BCR: variants seen among roughly 807,000 people sequenced by gnomAD.
BCR encodes the protein BCR activator of RhoGEF and GTPase.
In BCR, 58 loss-of-function variants were observed where a neutral mutation model predicts 138.6. The ratio of observed to expected loss-of-function variants is 0.42; its 90% CI spans 0.34 to 0.52. The LOEUF is 0.52. BCR is among the 20% of genes least tolerant of loss of function. BCR has a pLI of 0.06. For synonymous variants in BCR, 786 were observed against 730.1 expected (o/e 1.08, Z -1.23); for missense variants, 1,599 against 1,727.2 (o/e 0.93, Z 1.32).
chr22:23,212,764 C>A (rs923874674), intron 1 of BCR, among the ~76,000 whole-genome samples: 1 of 152,272 alleles, frequency 6.6e-6, no homozygotes, highest in Admixed American at 6.5e-5. Context: ...ATTTATGACT[C>A]TGTCCGTTGG....
At chr22:23,313,912 C>G in intron 20 of BCR, 56 bp from the exon 21 acceptor site, 2 of 1,423,628 alleles carry the variant, frequency 1.4e-6, no homozygotes, top group Non-Finnish European at 2.0e-6. Flanking sequence ...GTGAACACCT[C>G]GGGAGAGGTC....
At chr22:23,248,216 C>T (rs986895182) in intron 1 of BCR, among the ~76,000 whole-genome samples, 7 of 152,016 alleles carry the variant, frequency 4.6e-5, no homozygotes, top group East Asian at 1.9e-4. Context: ...TGGTGGCGCA[C>T]GCTTGTAATC....
chr22:23,181,222 T>C lies in BCR; in HGVS notation c.262T>C (p.Ser88Pro), dbSNP rs2146188064. Residue 88 changes from serine to proline, a missense_variant, in exon 1 of 23, where the codon TCC becomes CCC. Transcript: ENST00000305877. ...CGCGGCGCAGGCCCCCGACGGCGCC[T>C]CCGAGCCCCGAGCGTCCGCGTCGCG... ...RRAAQAPDGA[S>P]EPRASASRPQ... is the part of the protein sequence containing the mutation. 1 of 1,244,064 alleles carries C rather than the reference T, an allele frequency of 8.0e-7. No homozygotes were observed. Among genetic ancestry groups the C allele is most frequent in the East Asian group, 3.5e-5 (1 of 28,914 alleles). 77.1% of individuals were successfully genotyped at this position (1,244,064 alleles called of 1,614,324 possible).
At chr22:23,200,205 A>G (rs1395208872) in intron 1 of BCR, among the ~76,000 whole-genome samples, 1 of 152,186 alleles carries the variant, frequency 6.6e-6, no homozygotes, top group Non-Finnish European at 1.5e-5. Flanking sequence ...TGTAGATGTC[A>G]CCGTGTGGGC....
chr22:23,269,757 C>A (rs925223318), intron 5 of BCR, among the ~76,000 whole-genome samples: 13 of 152,250 alleles, frequency 8.5e-5, no homozygotes, highest in Admixed American at 1.3e-4. Flanking sequence ...TCCTCCCCCA[C>A]AGCTGGAATG....
rs748255251 is a variant in BCR at position 23,314,674 on chromosome 22, T to C, written c.3686T>C (p.Ile1229Thr). ...SKLPANPSQPITMTDSWSLEV... is the reference protein window; with the variant it reads ...SKLPANPSQPTTMTDSWSLEV... ...CTCCCTGCCAACCCCAGCCAGCCTA[T>C]CACCATGACTGACAGCTGGTCCTTG... Residue 1229 changes from isoleucine to threonine, a missense_variant, in exon 22 of 23, where the codon ATC (isoleucine) becomes ACC (threonine). Around this residue, in one of 4 missense-constraint regions of BCR, gnomAD observed 177 missense variants for 226.4 expected, o/e 0.78. Transcript: ENST00000305877. The C allele has an allele frequency of 6.2e-7, 1 of 1,611,246 alleles. No individual in the cohort carries two copies. The highest frequency in any genetic ancestry group is 1.3e-5 in the African/African-American group (1 of 74,650).
rs9155 is a variant in BCR, at chr22:23,315,694, C to T, written c.*172C>T. On this transcript the variant is annotated 3_prime_UTR_variant, in exon 23 of 23. Transcript: ENST00000305877. ...GAAGGACAGGTGGCCTGGAAAGATC[C>T]CGCCCAGGTCTGGGAGCCCCAGGCT... 139,034 of 719,866 alleles carry T rather than the reference C, an allele frequency of 0.19. 15,663 individuals carry two copies. The highest frequency in any genetic ancestry group is 0.24 in the Non-Finnish European group (95,386 of 404,968). The allele number at this position is 719,866 out of a possible 1,614,324, so 44.6% of individuals were successfully genotyped here. A position where few individuals can be genotyped will look rare whatever the true frequency, so the allele number is the denominator to read the frequency against.
At chr22:23,258,641 C>G (rs1408771569) in intron 2 of BCR, among the ~76,000 whole-genome samples, 1 of 152,206 alleles carries the variant, frequency 6.6e-6, no homozygotes, top group Non-Finnish European at 1.5e-5. Context: ...GTGGCAGCGC[C>G]TGGAGACATT....
At chr22:23,201,575 C>A (rs370131588) in intron 1 of BCR, among the ~76,000 whole-genome samples, 2 of 152,206 alleles carry the variant, frequency 1.3e-5, no homozygotes, top group East Asian at 1.9e-4. Flanking sequence ...CTCCTGCCTC[C>A]GCCTCCTGAG....
chr22:23,259,285 G>T lies in BCR; in HGVS notation c.1462-1665G>T, dbSNP rs1602072627. Among the ~76,000 whole-genome samples the T allele has an allele frequency of 2.6e-5, 4 of 152,254 alleles. No homozygotes were observed. In the South Asian group the frequency reaches 8.3e-4, roughly 32 times the overall value. Reference sequence around the variant, plus strand: ...GGTGGGCAGGGTTGGTTTCTTCTCGGGCCCCTCTCCTGGGCTTGTCTTCTC... The same window carrying T: ...GGTGGGCAGGGTTGGTTTCTTCTCGTGCCCCTCTCCTGGGCTTGTCTTCTC... On this transcript the variant is annotated intron_variant, in intron 2 of 22. Coordinates refer to ENST00000305877, the MANE Select transcript of BCR (RefSeq NM_004327.4).
rs1429876120 is a variant in BCR at position 23,180,883 on chromosome 22, C to T, written c.-78C>T. On this transcript the variant is annotated 5_prime_UTR_variant, in exon 1 of 23. Transcript: ENST00000305877. ...ATGGGGGCCGCCCGGCGCCCGGGGC[C>T]GGGCTGGCGAGGCGCCGCGCCGCCG... is the stretch of plus-strand genomic sequence containing the variant. The T allele has an allele frequency of 3.8e-6, 3 of 788,758 alleles. No individual in the cohort carries two copies. The highest frequency in any genetic ancestry group is 1.4e-6 in the Non-Finnish European group (1 of 720,330). 48.9% of individuals were successfully genotyped at this position (788,758 alleles called of 1,614,324 possible).
chr22:23,202,287 A>G lies in BCR; in HGVS notation c.1279+20048A>G, dbSNP rs375209031. The stretch of plus-strand genomic sequence containing the variant: ...AATTTAATGGGTTTTGGTATATTAC[A>G]TTATTACTTTTTAAAAATTATGGTG... On this transcript the variant is annotated intron_variant, in intron 1 of 22. Transcript: ENST00000305877. 2.6e-3 allele frequency among the ~76,000 whole-genome samples: 393 copies of G among 152,270 alleles called. 3 individuals are homozygous for G. Among genetic ancestry groups the G allele is most frequent in the African/African-American group, 9.0e-3 (374 of 41,542 alleles).
chr22:23,185,578 T>A (rs919623937), intron 1 of BCR, among the ~76,000 whole-genome samples: 1 of 150,754 alleles, frequency 6.6e-6, no homozygotes, highest in Non-Finnish European at 1.5e-5. Flanking sequence ...GGCAGGAGAA[T>A]GGCGTGAACT....
At position 23,283,947 on chromosome 22, in the gene BCR, C is replaced by T. The variant is rs12484271; in HGVS notation, c.2116-30C>T. 5.1e-3 allele frequency: 8,034 copies of T among 1,564,924 alleles called. 400 individuals are homozygous for T. The Admixed American group carries it at 0.11, about 21-fold the overall frequency. ...CCCCCCACCCATCACCCCAGGCTGG[C>T]CCTGACCCCAGCCTTCCCTGTGCCT... is the stretch of plus-strand genomic sequence containing the variant. On this transcript the variant is annotated intron_variant, in intron 8 of 22. Transcript: ENST00000305877.
At chr22:23,253,692 T>C (rs2073258588) in intron 1 of BCR, 107 bp from the exon 2 acceptor site, 1 of 1,348,736 alleles carries the variant, frequency 7.4e-7, no homozygotes, top group East Asian at 2.4e-5. Context: ...CGTTGTGAGA[T>C]GCCTGTTGGG....
At chr22:23,206,103 G>T (rs895722448) in intron 1 of BCR, among the ~76,000 whole-genome samples, 1 of 152,174 alleles carries the variant, frequency 6.6e-6, no homozygotes, top group Non-Finnish European at 1.5e-5. Flanking sequence ...ATGGTCACTT[G>T]GTTTCTAACT....
intron 1 of BCR, among the ~76,000 whole-genome samples, chr22:23,248,683 T>G (rs1251243800): frequency 3.9e-5 from 6 of 152,182 alleles, no homozygotes; most frequent in Non-Finnish European, 8.8e-5. Context: ...AACCCTGGGC[T>G]GTCTGCACTG....
At position 23,182,075 on chromosome 22, in the gene BCR, A is replaced by G. The variant is rs1307388765; in HGVS notation, c.1115A>G (p.Gln372Arg). 1.9e-6 allele frequency: 3 copies of G among 1,613,344 alleles called. No individual in the cohort carries two copies. Among genetic ancestry groups the G allele is most frequent in the Non-Finnish European group, 2.5e-6 (3 of 1,180,034 alleles). Reference protein sequence around the residue: ...MFRDKSRSPSQNSQQSFDSSS... With the variant: ...MFRDKSRSPSRNSQQSFDSSS... ...CGGGACAAAAGCCGCTCTCCCTCGC[A>G]GAACTCGCAACAGTCCTTCGACAGC... Residue 372 changes from glutamine to arginine, a missense_variant, in exon 1 of 23, where the codon CAG becomes CGG. Physicochemically the swap from Gln to Arg is conservative, Grantham distance 43. Transcript: ENST00000305877.
chr22:23,300,416 A>G (rs1049096735), intron 16 of BCR, among the ~76,000 whole-genome samples: 3 of 152,234 alleles, frequency 2.0e-5, no homozygotes, highest in Non-Finnish European at 4.4e-5. Flanking sequence ...GTAATATTCC[A>G]TTGTATGGAT....
Sources: gnomAD v4.1 joint callset for allele counts (sites outside exome capture counted in the v4.1 genomes callset) on GRCh38, gnomAD v4.1.1 for gene constraint, gnomAD v4.1.1 regional missense constraint, MANE v1.5 for transcripts, NCBI Gene and HGNC (gene_info 2026-07-23, HGNC 2026-07-21) for gene names.